Variants in ENTREP2 observed in about 807,000 individuals in gnomAD.
The protein encoded by ENTREP2 is protein ENTREP2.
chr15:29,207,123 A>C, the ENTREP2 span, among the ~76,000 whole-genome samples: 1 of 152,220 alleles, frequency 6.6e-6, no homozygotes, highest in African/African-American at 2.4e-5. Context: ...CCAGAGCATC[A>C]AGGACTGGGC....
the ENTREP2 span, among the ~76,000 whole-genome samples, chr15:29,231,971 C>T: frequency 6.8e-6 from 1 of 148,040 alleles, no homozygotes. Context: ...CTCACAGTAA[C>T]CTCCGCCTCC....
chr15:29,494,033 T>C, the ENTREP2 span, among the ~76,000 whole-genome samples: 7,091 of 152,180 alleles, frequency 0.047, 526 homozygotes, highest in African/African-American at 0.16. Context: ...TCTCCTTCAC[T>C]ATTACTATTC....
the ENTREP2 span, among the ~76,000 whole-genome samples, chr15:29,215,592 A>ATG: frequency 6.7e-6 from 1 of 149,826 alleles, no homozygotes; most frequent in Non-Finnish European, 1.5e-5. Context: ...ATATATATAT[A>ATG]TATATTCCAT....
the ENTREP2 span, among the ~76,000 whole-genome samples, chr15:29,224,411 G>A: frequency 2.6e-5 from 4 of 152,136 alleles, no homozygotes; most frequent in Non-Finnish European, 4.4e-5. Flanking sequence ...GCCACTGCTG[G>A]CTCGGGCAGC....
the ENTREP2 span, among the ~76,000 whole-genome samples, chr15:29,318,269 C>T: frequency 1.3e-5 from 2 of 152,172 alleles, no homozygotes; most frequent in South Asian, 2.1e-4. Context: ...GTCTCTCTGT[C>T]GGTATATTTT....
At chr15:29,371,326 T>G in the ENTREP2 span, among the ~76,000 whole-genome samples, 1 of 137,096 alleles carries the variant, frequency 7.3e-6, no homozygotes, top group Non-Finnish European at 1.5e-5. Flanking sequence ...TGTGCCACCC[T>G]CCCATACCAC....
chr15:29,478,019 A>ATATTTTTT, the ENTREP2 span, among the ~76,000 whole-genome samples: 1 of 54,284 alleles, frequency 1.8e-5, no homozygotes, highest in Non-Finnish European at 3.0e-5. Context: ...ATATATATAT[A>ATATTTTTT]TTTTTTTTTT....
At chr15:29,486,497 C>T in the ENTREP2 span, among the ~76,000 whole-genome samples, 4 of 152,162 alleles carry the variant, frequency 2.6e-5, no homozygotes, top group African/African-American at 9.7e-5. Context: ...TGAAGACCAG[C>T]CTGGCCAACA....
chr15:29,376,527 A>G, the ENTREP2 span: 5 of 150,998 alleles, frequency 3.3e-5, no homozygotes, highest in African/African-American at 9.8e-5. Context: ...GCATTTAGAA[A>G]GGCACTTATA....
the ENTREP2 span, among the ~76,000 whole-genome samples, chr15:29,570,981 C>T: frequency 1.4e-4 from 20 of 145,008 alleles, no homozygotes; most frequent in South Asian, 4.2e-3. Context: ...CTGCGCCCTC[C>T]CCCGCCCGCC....
At chr15:29,492,796 G>C in the ENTREP2 span, among the ~76,000 whole-genome samples, 1 of 152,046 alleles carries the variant, frequency 6.6e-6, no homozygotes, top group African/African-American at 2.4e-5. Flanking sequence ...CTGAGGTCAG[G>C]AGTTCGAGAC....
the ENTREP2 span, among the ~76,000 whole-genome samples, chr15:29,301,915 T>G: frequency 6.6e-6 from 1 of 152,180 alleles, no homozygotes; most frequent in Non-Finnish European, 1.5e-5. Flanking sequence ...AATCTGCTTG[T>G]GCCTTCATGT....
At chr15:29,438,039 C>A in the ENTREP2 span, among the ~76,000 whole-genome samples, 143 of 152,338 alleles carry the variant, frequency 9.4e-4, no homozygotes, top group African/African-American at 3.3e-3. Flanking sequence ...CCCACCTGGA[C>A]AGTCAAACTC....
At chr15:29,184,462 A>G in the ENTREP2 span, among the ~76,000 whole-genome samples, 1 of 152,298 alleles carries the variant, frequency 6.6e-6, no homozygotes, top group South Asian at 2.1e-4. Flanking sequence ...TAAGCGGATC[A>G]GGTTGGAAGT....
At chr15:29,657,760 C>T in the ENTREP2 span, among the ~76,000 whole-genome samples, 1 of 152,104 alleles carries the variant, frequency 6.6e-6, no homozygotes, top group South Asian at 2.1e-4. Context: ...CAGAAAAGTT[C>T]CCCAAGTCTC....
the ENTREP2 span, among the ~76,000 whole-genome samples, chr15:29,200,558 GTTTC>G: frequency 6.6e-6 from 1 of 151,280 alleles, no homozygotes. Flanking sequence ...ATCAAACCCA[GTTTC>G]TTTTTTTTTT....
the ENTREP2 span, among the ~76,000 whole-genome samples, chr15:29,140,574 C>T: frequency 5.3e-5 from 8 of 152,280 alleles, no homozygotes; most frequent in East Asian, 1.5e-3. Context: ...AACAAACCAG[C>T]TCTAATCCCT....
At chr15:29,671,793 G>T in the ENTREP2 span, among the ~76,000 whole-genome samples, 1 of 152,116 alleles carries the variant, frequency 6.6e-6, no homozygotes, top group Non-Finnish European at 1.5e-5. Context: ...TTGGACAGGT[G>T]ATCCCAGCGA....
At chr15:29,342,022 T>C in the ENTREP2 span, among the ~76,000 whole-genome samples, 2 of 152,148 alleles carry the variant, frequency 1.3e-5, no homozygotes, top group African/African-American at 2.4e-5. Flanking sequence ...CTCAAGCCCA[T>C]AGAGGGGTAA....
Sources: allele counts gnomAD v4.1 joint callset (sites outside exome capture counted in the v4.1 genomes callset), GRCh38; gene constraint gnomAD v4.1.1; transcripts MANE v1.5; gene names NCBI Gene and HGNC (gene_info 2026-07-23, HGNC 2026-07-21).